DAB1: variants seen among roughly 807,000 people sequenced by gnomAD.
The protein encoded by DAB1 is DAB adaptor protein 1.
Under a neutral mutation model 64.6 loss-of-function variants are expected in DAB1, and 15 were observed. The ratio of observed to expected loss-of-function variants is 0.23; its 90% CI spans 0.16 to 0.36. The LOEUF (loss-of-function observed/expected upper bound fraction) is 0.36, where lower values mean the gene tolerates loss of function less well. DAB1 is among the 10% of genes least tolerant of loss of function. The pLI, the probability that DAB1 is intolerant of heterozygous loss-of-function variation, is 1.00. For synonymous variants in DAB1, 235 were observed against 251.9 expected, an observed-to-expected ratio of 0.93 and a Z score of 0.64; for missense variants, 596 against 706.7, an observed-to-expected ratio of 0.84 and a Z score of 1.78.
intron 5 of DAB1, among the ~76,000 whole-genome samples, chr1:58,094,513 T>C (rs1333030844): frequency 6.6e-6 from 1 of 152,230 alleles, no homozygotes; most frequent in Non-Finnish European, 1.5e-5. Context: ...AGCTCTGCCA[T>C]TCATTTACTG....
At chr1:57,932,484 T>TTTTC (rs1644967295) in intron 5 of DAB1, among the ~76,000 whole-genome samples, 1 of 150,526 alleles carries the variant, frequency 6.6e-6, no homozygotes, top group Non-Finnish European at 1.5e-5. Flanking sequence ...TTTTTTTTTT[T>TTTTC]GTATTTTTAG....
intron 4 of DAB1, among the ~76,000 whole-genome samples, chr1:58,332,317 C>T (rs1022557141): frequency 2.0e-5 from 3 of 152,104 alleles, no homozygotes; most frequent in African/African-American, 7.2e-5. Context: ...CTTCCTCTGC[C>T]CATTCTTGAT....
intron 5 of DAB1, among the ~76,000 whole-genome samples, chr1:57,940,198 A>C (rs1019174418): frequency 2.6e-5 from 4 of 152,220 alleles, no homozygotes; most frequent in African/African-American, 9.6e-5. Context: ...AGGTCCTCCT[A>C]AGCCCAGGGC....
At chr1:57,447,712 T>C (rs1332506022) in intron 7 of DAB1, among the ~76,000 whole-genome samples, 1 of 152,168 alleles carries the variant, frequency 6.6e-6, no homozygotes, top group African/African-American at 2.4e-5. Flanking sequence ...CTCCTTGACC[T>C]GCGTAGAGGC....
intron 1 of DAB1, among the ~76,000 whole-genome samples, chr1:57,840,310 T>A (rs768444323): frequency 6.6e-6 from 1 of 152,132 alleles, no homozygotes; most frequent in East Asian, 1.9e-4. Flanking sequence ...TAAAAGGATA[T>A]AGAAAAAGTA....
chr1:57,365,736 C>T (rs992714189), intron 1 of DAB1, among the ~76,000 whole-genome samples: 5 of 152,022 alleles, frequency 3.3e-5, no homozygotes, highest in African/African-American at 1.2e-4. Context: ...AATTACTCTC[C>T]CCACACTACA....
intron 2 of DAB1, among the ~76,000 whole-genome samples, chr1:57,256,234 G>T (rs1258080452): frequency 6.6e-6 from 1 of 152,104 alleles, no homozygotes; most frequent in African/African-American, 2.4e-5. Flanking sequence ...TTCCTTAAAT[G>T]ATACTCAAAA....
intron 7 of DAB1, among the ~76,000 whole-genome samples, chr1:57,438,762 T>C (rs1323475204): frequency 6.6e-6 from 1 of 152,230 alleles, no homozygotes; most frequent in South Asian, 2.1e-4. Flanking sequence ...CTTAGGGAAC[T>C]ATTTCCATCT....
At chr1:57,747,228 C>A (rs1295740214) in intron 6 of DAB1, among the ~76,000 whole-genome samples, 1 of 152,094 alleles carries the variant, frequency 6.6e-6, no homozygotes, top group Non-Finnish European at 1.5e-5. Flanking sequence ...CCCTTCTTGC[C>A]CTTGCCTTCC....
At chr1:57,731,559 C>G (rs879003048) in intron 6 of DAB1, among the ~76,000 whole-genome samples, 3 of 152,106 alleles carry the variant, frequency 2.0e-5, no homozygotes, top group Admixed American at 2.0e-4. Flanking sequence ...AATCCCAACA[C>G]TTTGGGAGGC....
At chr1:58,312,599 G>A (rs1409377230) in intron 4 of DAB1, among the ~76,000 whole-genome samples, 1 of 152,190 alleles carries the variant, frequency 6.6e-6, no homozygotes, top group East Asian at 1.9e-4. Context: ...TTCAGAATAT[G>A]CTAAAACTTA....
intron 4 of DAB1, among the ~76,000 whole-genome samples, chr1:58,298,135 C>T (rs1189357197): frequency 2.0e-5 from 3 of 152,200 alleles, no homozygotes; most frequent in Non-Finnish European, 4.4e-5. Context: ...TCTTTGCAAT[C>T]TTTCTAAGAC....
At chr1:57,768,498 C>A (rs1649418212) in intron 6 of DAB1, among the ~76,000 whole-genome samples, 1 of 150,782 alleles carries the variant, frequency 6.6e-6, no homozygotes, top group South Asian at 2.1e-4. Flanking sequence ...GAGGGATTTA[C>A]CTATATACCA....
At chr1:57,608,486 C>T (rs1645687713) in intron 7 of DAB1, among the ~76,000 whole-genome samples, 1 of 152,134 alleles carries the variant, frequency 6.6e-6, no homozygotes, top group Non-Finnish European at 1.5e-5. Flanking sequence ...GCTTTTGAAT[C>T]CTCATATCTG....
Position 57,101,957 on chromosome 1 carries a change from T to TA in DAB1, c.307-29544_307-29543insT, listed in dbSNP as rs1570694207. Among the ~76,000 whole-genome samples, 7 of 152,330 alleles carry TA rather than the reference T, an allele frequency of 4.6e-5. No individual in the cohort carries two copies. The East Asian group carries it at 1.3e-3, about 29-fold the overall frequency. On this transcript the variant is annotated intron_variant, in intron 4 of 14. Coordinates refer to ENST00000371236, the MANE Select transcript of DAB1 (RefSeq NM_001365792.1). ...TAAAGCCATTGAGCTAGTATGCTGG[T>TA]GGAGCTGAGATTTGAATCCAGGCTG...
chr1:57,754,996 AAAAC>A (rs1301814806), intron 6 of DAB1, among the ~76,000 whole-genome samples: 10 of 146,298 alleles, frequency 6.8e-5, no homozygotes, highest in Admixed American at 2.9e-4. Context: ...CAGTTTACAA[AAAAC>A]AAACAAACAA....
At chr1:57,066,587 C>A (rs746804604) in intron 8 of DAB1, among the ~76,000 whole-genome samples, 4 of 152,108 alleles carry the variant, frequency 2.6e-5, no homozygotes, top group Non-Finnish European at 5.9e-5. Flanking sequence ...AAGTGAAGCA[C>A]GCTTGAGGAT....
intron 4 of DAB1, among the ~76,000 whole-genome samples, chr1:58,236,372 A>G (rs1406592988): frequency 6.6e-6 from 1 of 152,028 alleles, no homozygotes; most frequent in African/African-American, 2.4e-5. Flanking sequence ...AACATTATGC[A>G]CTCAGTCAGG....
At chr1:57,998,513 A>G (rs931868690) in intron 5 of DAB1, among the ~76,000 whole-genome samples, 1 of 150,890 alleles carries the variant, frequency 6.6e-6, no homozygotes, top group African/African-American at 2.4e-5. Flanking sequence ...ACAGGCGCAC[A>G]CCACCACACC....
Sources: gnomAD v4.1 joint callset for allele counts (sites outside exome capture counted in the v4.1 genomes callset) on GRCh38, gnomAD v4.1.1 for gene constraint, MANE v1.5 for transcripts, NCBI Gene and HGNC (gene_info 2026-07-23, HGNC 2026-07-21) for gene names.